The following FAM120A variants were observed in gnomAD, a reference collection of about 807,000 sequenced individuals.
The protein encoded by FAM120A is family with sequence similarity 120 member A.
FAM120A carries 15 observed loss-of-function variants against 109.7 expected under a neutral mutation model. That is an observed-to-expected ratio of 0.14 (90% CI 0.09 to 0.21). The LOEUF is 0.21. Among genes scored for constraint, FAM120A ranks in the 10% least tolerant of loss-of-function variants. The probability of loss-of-function intolerance (pLI) is 1.00; values close to 1 mark genes in which losing one functional copy is unlikely to be tolerated. For synonymous variants in FAM120A, 493 were observed against 572.8 expected (o/e 0.86, Z 1.99); for missense variants, 899 against 1,439.3 (o/e 0.62, Z 6.07).
At chr9:93,527,100 T>C in intron 7 of FAM120A, 55 bp from the exon 8 acceptor site, 1 of 1,459,788 alleles carries the variant, frequency 6.9e-7, no homozygotes, top group Admixed American at 1.7e-5. Flanking sequence ...TTCTTATCAT[T>C]GTCAGCTGGT....
intron 11 of FAM120A, 132 bp from the exon 12 acceptor site, chr9:93,550,445 G>T (rs1862057875): frequency 3.1e-6 from 2 of 642,474 alleles, no homozygotes; most frequent in Non-Finnish European, 5.6e-6. Context: ...AAGTAGAAAA[G>T]CTGAATAAGA....
intron 2 of FAM120A, among the ~76,000 whole-genome samples, chr9:93,474,484 A>G (rs145613321): frequency 5.9e-5 from 9 of 152,370 alleles, no homozygotes; most frequent in Non-Finnish European, 1.0e-4. Flanking sequence ...TGGAATATTC[A>G]TTTAAGTATT....
chr9:93,458,476 A>G (rs1588773137), intron 1 of FAM120A, among the ~76,000 whole-genome samples: 1 of 152,190 alleles, frequency 6.6e-6, no homozygotes, highest in South Asian at 2.1e-4. Context: ...TAGAATAATG[A>G]CACACCAGGC....
At chr9:93,560,228 A>T (rs560434295) in intron 15 of FAM120A, among the ~76,000 whole-genome samples, 37 of 152,296 alleles carry the variant, frequency 2.4e-4, no homozygotes, top group African/African-American at 8.7e-4. Flanking sequence ...TGGGAGGTCA[A>T]GGCTGCAGTG....
chr9:93,492,347 A>G (rs1859365304), intron 3 of FAM120A, among the ~76,000 whole-genome samples: 1 of 152,238 alleles, frequency 6.6e-6, no homozygotes, highest in Admixed American at 6.5e-5. Context: ...AAATAAAGAT[A>G]TATTACAACT....
intron 3 of FAM120A, 61 bp downstream of exon 3, chr9:93,476,399 T>A: frequency 1.8e-6 from 2 of 1,121,496 alleles, no homozygotes; most frequent in Non-Finnish European, 1.4e-6. Flanking sequence ...TTGCTATTAC[T>A]TTAATAACAT....
In FAM120A at chr9:93,479,289, G is replaced by A. The variant is rs373481073; in HGVS notation, c.804+2951G>A. Reference sequence around the variant, plus strand: ...AATTTTTTGTATTTTTAGTAGAGACGGGGTTTCACCGTTTTAGCTGGGATG... The same window carrying A: ...AATTTTTTGTATTTTTAGTAGAGACAGGGTTTCACCGTTTTAGCTGGGATG... On this transcript the variant is annotated intron_variant, in intron 3 of 17. Transcript: ENST00000277165. 6.8e-3 allele frequency among the ~76,000 whole-genome samples: 1,030 copies of A among 151,706 alleles called. 14 individuals carry two copies. The highest frequency in any genetic ancestry group is 0.023 in the African/African-American group (964 of 41,354).
At chr9:93,539,943 C>T (rs1423281482) in intron 10 of FAM120A, among the ~76,000 whole-genome samples, 1 of 152,200 alleles carries the variant, frequency 6.6e-6, no homozygotes, top group Non-Finnish European at 1.5e-5. Flanking sequence ...TTGGATGTCC[C>T]TTGGAATTCT....
chr9:93,514,802 G>T (rs1243630687), intron 5 of FAM120A, among the ~76,000 whole-genome samples: 1 of 152,182 alleles, frequency 6.6e-6, no homozygotes, highest in Non-Finnish European at 1.5e-5. Context: ...CACTTCTGTT[G>T]GCTGACGTGG....
intron 5 of FAM120A, among the ~76,000 whole-genome samples, chr9:93,510,651 AT>A (rs1588861320): frequency 1.3e-5 from 2 of 152,166 alleles, no homozygotes; most frequent in African/African-American, 4.8e-5. Context: ...TGTTGCTTTT[AT>A]GAGTGTGTGT....
intron 1 of FAM120A, chr9:93,453,338 C>A (rs1857374498): frequency 1.0e-6 from 1 of 985,694 alleles, no homozygotes; most frequent in African/African-American, 1.7e-5. Context: ...AACTTCAGGA[C>A]CCAGCAGTGA....
At position 93,480,949 on chromosome 9, in the gene FAM120A, G is replaced by T. The variant is rs114132423; in HGVS notation, c.804+4611G>T. ...GTGTTGCATGAGAGAAATGGAAGGC[G>T]TCAGGCAGCCTGGTACCCAGAGAGC... On this transcript the variant is annotated intron_variant, in intron 3 of 17. Transcript: ENST00000277165. Among the ~76,000 whole-genome samples, 1,005 of 152,320 alleles carry T rather than the reference G, an allele frequency of 6.6e-3. 14 individuals are homozygous for T. Among genetic ancestry groups the T allele is most frequent in the African/African-American group, 0.023 (971 of 41,574 alleles).
intron 3 of FAM120A, among the ~76,000 whole-genome samples, chr9:93,497,156 T>G (rs1859610517): frequency 6.6e-6 from 1 of 152,242 alleles, no homozygotes; most frequent in Non-Finnish European, 1.5e-5. Context: ...GTGCAGGTCC[T>G]GGCCTTGGAA....
chr9:93,523,642 T>C (rs969543000), intron 7 of FAM120A, among the ~76,000 whole-genome samples: 11 of 152,350 alleles, frequency 7.2e-5, no homozygotes, highest in African/African-American at 2.6e-4. Flanking sequence ...TAGGTGTCTC[T>C]GAACCCTCAC....
intron 3 of FAM120A, among the ~76,000 whole-genome samples, chr9:93,486,360 C>A (rs943971903): frequency 2.0e-5 from 3 of 151,936 alleles, no homozygotes; most frequent in African/African-American, 7.3e-5. Context: ...TTGGTAGACA[C>A]TTGGGTTATT....
In FAM120A at chr9:93,529,335, C is replaced by T; in HGVS notation, c.1507-18C>T. The T allele has an allele frequency of 1.3e-6, 2 of 1,573,610 alleles. No individual in the cohort carries two copies. Among genetic ancestry groups the T allele is most frequent in the Non-Finnish European group, 1.7e-6 (2 of 1,161,160 alleles). On this transcript the variant is annotated intron_variant, in intron 8 of 17. Transcript: ENST00000277165. The stretch of plus-strand genomic sequence containing the variant: ...TGACATACACTCGTTTTCCTCCCTT[C>T]TGCTCTCTGCACTGTAGGCAGAAGG...
chr9:93,556,062 C>T (rs1037815860), intron 12 of FAM120A, among the ~76,000 whole-genome samples: 1 of 152,176 alleles, frequency 6.6e-6, no homozygotes, highest in Non-Finnish European at 1.5e-5. Flanking sequence ...CTAAGGAGAC[C>T]ACACATCATT....
intron 2 of FAM120A, 82 bp downstream of exon 2, chr9:93,471,469 G>C: frequency 6.5e-7 from 1 of 1,532,278 alleles, no homozygotes; most frequent in Non-Finnish European, 8.9e-7. Flanking sequence ...TTCTGTGCTT[G>C]AATGTTTTGG....
chr9:93,491,796 C>T (rs905818767), intron 3 of FAM120A, among the ~76,000 whole-genome samples: 2 of 146,244 alleles, frequency 1.4e-5, no homozygotes, highest in Non-Finnish European at 3.0e-5. Flanking sequence ...CTAGATATGT[C>T]GCAATTTATT....
Sources: gnomAD v4.1 joint callset for allele counts (sites outside exome capture counted in the v4.1 genomes callset) on GRCh38, gnomAD v4.1.1 for gene constraint, MANE v1.5 for transcripts, NCBI Gene and HGNC (gene_info 2026-07-23, HGNC 2026-07-21) for gene names.